Variants in CLSTN2 observed in about 807,000 individuals in gnomAD.
CLSTN2 encodes the protein calsyntenin 2.
Under a neutral mutation model 101.2 loss-of-function variants are expected in CLSTN2, and 48 were observed. That is an observed-to-expected ratio of 0.47 (90% CI 0.38 to 0.60). The LOEUF (loss-of-function observed/expected upper bound fraction) is 0.60, where lower values mean the gene tolerates loss of function less well. Ranked by LOEUF, CLSTN2 falls within the 20% of genes least tolerant of loss-of-function variation. The pLI, the probability that CLSTN2 is intolerant of heterozygous loss-of-function variation, is 0.00. For missense variants in CLSTN2, 1,160 were observed against 1,238.2 expected (o/e 0.94, Z 0.95); for synonymous variants, 481 against 463.6 (o/e 1.04, Z -0.48).
At chr3:140,261,706 G>T (rs977005005) in intron 2 of CLSTN2, among the ~76,000 whole-genome samples, 9 of 152,124 alleles carry the variant, frequency 5.9e-5, no homozygotes, top group Non-Finnish European at 1.2e-4. Flanking sequence ...TTGTACGTGT[G>T]TGTGTGTGTT....
intron 1 of CLSTN2, among the ~76,000 whole-genome samples, chr3:140,114,558 G>T (rs992303713): frequency 6.6e-6 from 1 of 152,132 alleles, no homozygotes; most frequent in Non-Finnish European, 1.5e-5. Context: ...TAGACAAAGG[G>T]ATAATAGCTC....
chr3:140,072,741 C>T (rs1348865941), intron 1 of CLSTN2, among the ~76,000 whole-genome samples: 1 of 151,074 alleles, frequency 6.6e-6, no homozygotes, highest in Non-Finnish European at 1.5e-5. Context: ...TGAAGCTACT[C>T]GGTTTATTTG....
At chr3:140,253,245 G>A (rs1191883536) in intron 2 of CLSTN2, among the ~76,000 whole-genome samples, 1 of 152,130 alleles carries the variant, frequency 6.6e-6, no homozygotes. Flanking sequence ...AGGAGTAGGA[G>A]GAGGAAGGTA....
At chr3:140,186,363 A>G (rs1248359873) in intron 2 of CLSTN2, among the ~76,000 whole-genome samples, 1 of 152,206 alleles carries the variant, frequency 6.6e-6, no homozygotes, top group Non-Finnish European at 1.5e-5. Context: ...AATTATGAAC[A>G]TGAATTTTTA....
At chr3:140,483,513 G>T (rs946610963) in intron 8 of CLSTN2, among the ~76,000 whole-genome samples, 6 of 151,158 alleles carry the variant, frequency 4.0e-5, no homozygotes, top group Non-Finnish European at 7.4e-5. Flanking sequence ...ACTTTCTGTC[G>T]CATTGATCTG....
At chr3:140,350,095 A>T (rs2087589363) in intron 2 of CLSTN2, among the ~76,000 whole-genome samples, 1 of 152,216 alleles carries the variant, frequency 6.6e-6, no homozygotes, top group Admixed American at 6.5e-5. Flanking sequence ...ACACCTTGCA[A>T]TCTCTGGCTT....
At chr3:140,551,732 T>C (rs954682924) in intron 10 of CLSTN2, among the ~76,000 whole-genome samples, 5 of 151,794 alleles carry the variant, frequency 3.3e-5, no homozygotes, top group African/African-American at 1.2e-4. Flanking sequence ...ATCTCTTGTG[T>C]ATAAAATAAA....
chr3:140,409,823 A>C (rs777751370), intron 4 of CLSTN2, among the ~76,000 whole-genome samples: 8 of 152,198 alleles, frequency 5.3e-5, no homozygotes, highest in Non-Finnish European at 1.2e-4. Context: ...CTTTGGAAGA[A>C]AAATACCAGA....
intron 8 of CLSTN2, among the ~76,000 whole-genome samples, chr3:140,517,142 G>T (rs1300684504): frequency 6.6e-6 from 1 of 151,814 alleles, no homozygotes; most frequent in African/African-American, 2.4e-5. Context: ...AGTGTATTTT[G>T]CATTTCTCTA....
intron 2 of CLSTN2, among the ~76,000 whole-genome samples, chr3:140,255,710 A>G (rs545798590): frequency 8.3e-4 from 126 of 152,280 alleles, no homozygotes; most frequent in African/African-American, 2.9e-3. Context: ...TGACCATGAC[A>G]TGCAATTTAC....
chr3:140,494,194 A>G (rs1934404676), intron 8 of CLSTN2, among the ~76,000 whole-genome samples: 1 of 152,210 alleles, frequency 6.6e-6, no homozygotes, highest in African/African-American at 2.4e-5. Flanking sequence ...GTCATCATAC[A>G]TTCAGGGTGC....
At chr3:140,061,977 TGTC>T (rs1259079575) in intron 1 of CLSTN2, among the ~76,000 whole-genome samples, 1 of 152,250 alleles carries the variant, frequency 6.6e-6, no homozygotes, top group Non-Finnish European at 1.5e-5. Flanking sequence ...TGAAAGCTCC[TGTC>T]TGCCAATAGT....
chr3:140,427,223 ATGTGTG>A (rs10601007), intron 5 of CLSTN2, among the ~76,000 whole-genome samples: 41,034 of 101,794 alleles, frequency 0.4, 9,012 homozygotes, highest in East Asian at 0.76. Context: ...ATATATATAT[ATGTGTG>A]TATATATATA....
chr3:139,961,175 A>T (rs948090945), intron 1 of CLSTN2, among the ~76,000 whole-genome samples: 1 of 152,206 alleles, frequency 6.6e-6, no homozygotes, highest in African/African-American at 2.4e-5. Flanking sequence ...AGACTCAGCC[A>T]AAGTTAGTCC....
At chr3:140,060,403 C>T (rs939291296) in intron 1 of CLSTN2, among the ~76,000 whole-genome samples, 1 of 152,118 alleles carries the variant, frequency 6.6e-6, no homozygotes, top group Non-Finnish European at 1.5e-5. Context: ...TGATGAGGAG[C>T]TGCTTTAATA....
intron 1 of CLSTN2, among the ~76,000 whole-genome samples, chr3:140,114,336 C>G (rs917800326): frequency 6.6e-6 from 1 of 152,158 alleles, no homozygotes; most frequent in Admixed American, 6.5e-5. Context: ...CTCCTACAGG[C>G]TGGATTAGGT....
chr3:140,006,500 A>C (rs767304183), intron 1 of CLSTN2, among the ~76,000 whole-genome samples: 4 of 152,146 alleles, frequency 2.6e-5, no homozygotes, highest in Non-Finnish European at 4.4e-5. Context: ...CTCTCCAGGC[A>C]CCTTGGAATC....
chr3:139,986,103 G>A (rs1216229689), intron 1 of CLSTN2, among the ~76,000 whole-genome samples: 2 of 152,096 alleles, frequency 1.3e-5, no homozygotes, highest in Non-Finnish European at 2.9e-5. Flanking sequence ...TGGTAACCTT[G>A]GGAGGCAGAT....
chr3:140,534,961 C>T (rs951635214), intron 9 of CLSTN2, among the ~76,000 whole-genome samples: 5 of 152,204 alleles, frequency 3.3e-5, no homozygotes, highest in African/African-American at 1.2e-4. Context: ...AATGTCCAAG[C>T]TTTCCGAGTG....
Sources: allele counts gnomAD v4.1 joint callset (sites outside exome capture counted in the v4.1 genomes callset), GRCh38; gene constraint gnomAD v4.1.1; transcripts MANE v1.5; gene names NCBI Gene and HGNC (gene_info 2026-07-23, HGNC 2026-07-21).